The following FKBP5 variants were observed in gnomAD, a reference collection of about 807,000 sequenced individuals.
FKBP5 encodes FKBP prolyl isomerase 5.
Under a neutral mutation model 50.5 loss-of-function variants are expected in FKBP5, and 23 were observed. The ratio of observed to expected loss-of-function variants is 0.46; its 90% CI spans 0.33 to 0.65. The LOEUF is 0.65. Ranked by LOEUF, FKBP5 falls within the 30% of genes least tolerant of loss-of-function variation. The pLI, the probability that FKBP5 is intolerant of heterozygous loss-of-function variation, is 0.02. For synonymous variants in FKBP5, 176 were observed against 190.6 expected (o/e 0.92, Z 0.63); for missense variants, 411 against 553.1 (o/e 0.74, Z 2.58).
intron 8 of FKBP5, chr6:35,584,768 T>G (rs1762550912): frequency 1.0e-6 from 1 of 985,244 alleles, no homozygotes; most frequent in African/African-American, 1.7e-5. Context: ...GACTAATGTT[T>G]TGAAAAATTT....
At chr6:35,581,311 T>A (rs1291723831) in intron 8 of FKBP5, 2 of 427,408 alleles carry the variant, frequency 4.7e-6, no homozygotes, top group Non-Finnish European at 6.2e-6. Context: ...CATGCTCATA[T>A]GAGAAACGCT....
intron 1 of FKBP5, among the ~76,000 whole-genome samples, chr6:35,644,349 G>A (rs1326944179): frequency 6.6e-6 from 1 of 152,182 alleles, no homozygotes; most frequent in African/African-American, 2.4e-5. Flanking sequence ...CATCTCCTGA[G>A]CCTTCTTGTC....
chr6:35,604,272 G>A (rs1561853517), intron 5 of FKBP5, among the ~76,000 whole-genome samples: 3 of 152,172 alleles, frequency 2.0e-5, no homozygotes, highest in Admixed American at 6.5e-5. Flanking sequence ...GCTTCCCGAA[G>A]TGTTGGGATT....
At chr6:35,669,396 T>C (rs953637487) in intron 1 of FKBP5, among the ~76,000 whole-genome samples, 46 of 152,348 alleles carry the variant, frequency 3.0e-4, no homozygotes, top group African/African-American at 1.1e-3. Context: ...ACTGTATCTA[T>C]TATCATATTT....
intron 1 of FKBP5, among the ~76,000 whole-genome samples, chr6:35,681,052 G>T (rs1765649211): frequency 6.6e-6 from 1 of 152,198 alleles, no homozygotes; most frequent in African/African-American, 2.4e-5. Flanking sequence ...ACAAAAGACA[G>T]CCAACGATTC....
At chr6:35,678,738 T>C (rs1172206099) in intron 1 of FKBP5, among the ~76,000 whole-genome samples, 1 of 152,140 alleles carries the variant, frequency 6.6e-6, no homozygotes, top group African/African-American at 2.4e-5. Context: ...AAAAAATTGG[T>C]ACACCAATAC....
In FKBP5 at chr6:35,604,145, C is replaced by T. The variant is rs191889146; in HGVS notation, c.509-6741G>A. ...TCCTCAGCCTCCCTAGTAGCTGGGA[C>T]TACAGGCACACACCACCACGCCTGG... On this transcript the variant is annotated intron_variant, in intron 5 of 10. Coordinates refer to ENST00000357266, the MANE Select transcript of FKBP5 (RefSeq NM_004117.4). Among the ~76,000 whole-genome samples the T allele has an allele frequency of 6.3e-4, 95 of 151,932 alleles. 1 individual carries two copies. In the East Asian group the frequency reaches 0.011, roughly 18 times the overall value.
intron 2 of FKBP5, among the ~76,000 whole-genome samples, chr6:35,704,761 G>A (rs566833796): frequency 2.6e-5 from 4 of 151,902 alleles, no homozygotes; most frequent in Admixed American, 2.0e-4. Context: ...GGAAAAGTTA[G>A]CATGTAAAGA....
intron 2 of FKBP5, among the ~76,000 whole-genome samples, chr6:35,706,510 T>A (rs944448901): frequency 4.0e-5 from 6 of 151,766 alleles, no homozygotes; most frequent in African/African-American, 1.5e-4. Flanking sequence ...ATGAAAATTA[T>A]GCAATTTAAT....
chr6:35,713,077 TAAAAAAAAAAAAAAAAA>T (rs34258638), intron 2 of FKBP5, among the ~76,000 whole-genome samples: 1 of 52,948 alleles, frequency 1.9e-5, no homozygotes, highest in African/African-American at 8.6e-5. Context: ...ATCTGGTCTC[TAAAAAAAAAAAAAAAAA>T]AAAAAAAAAG....
chr6:35,638,859 G>A (rs953877624), intron 2 of FKBP5, among the ~76,000 whole-genome samples: 2 of 152,216 alleles, frequency 1.3e-5, no homozygotes, highest in Non-Finnish European at 2.9e-5. Flanking sequence ...TGGTATTTGG[G>A]AGGCTATGCT....
intron 2 of FKBP5, among the ~76,000 whole-genome samples, chr6:35,640,801 CACAT>C (rs1764463805): frequency 6.6e-6 from 1 of 151,986 alleles, no homozygotes; most frequent in East Asian, 1.9e-4. Flanking sequence ...AAGACACAAA[CACAT>C]ACATAAACCT....
chr6:35,705,428 G>A (rs540376616), intron 2 of FKBP5, among the ~76,000 whole-genome samples: 74 of 150,204 alleles, frequency 4.9e-4, no homozygotes, highest in Admixed American at 8.7e-4. Context: ...CACCATGCTC[G>A]GCTAATTTTT....
intron 5 of FKBP5, among the ~76,000 whole-genome samples, chr6:35,614,995 C>T (rs1763600536): frequency 6.6e-6 from 1 of 151,890 alleles, no homozygotes; most frequent in African/African-American, 2.4e-5. Context: ...TGGTGGCAGG[C>T]ACCTGTAAAT....
chr6:35,718,772 C>G (rs1766556193), intron 2 of FKBP5, among the ~76,000 whole-genome samples: 1 of 152,240 alleles, frequency 6.6e-6, no homozygotes, highest in Non-Finnish European at 1.5e-5. Context: ...TTCCTTAGCA[C>G]TCTACTTTGA....
intron 1 of FKBP5, among the ~76,000 whole-genome samples, chr6:35,667,496 G>A (rs867905283): frequency 2.0e-5 from 3 of 152,086 alleles, no homozygotes; most frequent in Admixed American, 6.5e-5. Context: ...TGATTAACCC[G>A]TTTCCTCCAT....
chr6:35,621,347 G>A (rs901457766), intron 3 of FKBP5, among the ~76,000 whole-genome samples: 1 of 152,178 alleles, frequency 6.6e-6, no homozygotes, highest in Non-Finnish European at 1.5e-5. Context: ...TTTTGGTGGG[G>A]CATGGTGGCT....
rs576976791 is a variant in FKBP5, at chr6:35,657,140, G to T, written c.-19-14297C>A. On this transcript the variant is annotated intron_variant, in intron 1 of 10. Coordinates refer to ENST00000357266, the MANE Select transcript of FKBP5 (RefSeq NM_004117.4). ...TGAGGCAGAAGAATGGCGTGAACCC[G>T]GGAGGCGGAGCTTGCAGCGAGCTGA... is the stretch of plus-strand genomic sequence containing the variant. 2.0e-5 allele frequency among the ~76,000 whole-genome samples: 3 copies of T among 152,100 alleles called. No individual in the cohort carries two copies. The South Asian group carries it at 6.2e-4, about 32-fold the overall frequency.
At chr6:35,630,189 A>C (rs143910135) in intron 3 of FKBP5, among the ~76,000 whole-genome samples, 13 of 152,002 alleles carry the variant, frequency 8.6e-5, no homozygotes, top group East Asian at 1.9e-4. Flanking sequence ...AGAGAGAGAG[A>C]GAGCGAGCGA....
Sources: allele counts gnomAD v4.1 joint callset (sites outside exome capture counted in the v4.1 genomes callset), GRCh38; gene constraint gnomAD v4.1.1; transcripts MANE v1.5; gene names NCBI Gene and HGNC (gene_info 2026-07-23, HGNC 2026-07-21).